Variants in DAB2IP observed in about 807,000 individuals in gnomAD.
DAB2IP encodes the protein DAB2 interacting protein.
DAB2IP carries 28 observed loss-of-function variants against 107.2 expected under a neutral mutation model. The observed-to-expected ratio is 0.26, with a 90% CI of 0.19 to 0.36. DAB2IP has a LOEUF of 0.36. Among genes scored for constraint, DAB2IP ranks in the 10% least tolerant of loss-of-function variants. The pLI, the probability that DAB2IP is intolerant of heterozygous loss-of-function variation, is 1.00. For missense variants in DAB2IP, 1,400 were observed against 1,644.7 expected (o/e 0.85, Z 2.57); for synonymous variants, 755 against 706.4 (o/e 1.07, Z -1.09).
At chr9:121,659,153 A>G (rs1833091577) in intron 1 of DAB2IP, among the ~76,000 whole-genome samples, 1 of 152,176 alleles carries the variant, frequency 6.6e-6, no homozygotes, top group South Asian at 2.1e-4. Flanking sequence ...AGAGGGGAGA[A>G]GAGGAGAGAG....
chr9:121,645,857 C>G (rs1280251760), intron 1 of DAB2IP, among the ~76,000 whole-genome samples: 2 of 152,142 alleles, frequency 1.3e-5, no homozygotes, highest in Admixed American at 1.3e-4. Flanking sequence ...TGGAGGGGAC[C>G]TGTAGGTGGC....
intron 3 of DAB2IP, among the ~76,000 whole-genome samples, chr9:121,737,922 G>A (rs1832044005): frequency 6.6e-6 from 1 of 152,168 alleles, no homozygotes; most frequent in Non-Finnish European, 1.5e-5. Context: ...AGGCTTGGGG[G>A]ACTGAATGGG....
At chr9:121,578,168 G>T (rs1830108130) in intron 1 of DAB2IP, among the ~76,000 whole-genome samples, 1 of 152,060 alleles carries the variant, frequency 6.6e-6, no homozygotes, top group African/African-American at 2.4e-5. Context: ...TTTCAGACTT[G>T]GTCCCTGACA....
At chr9:121,671,785 C>G (rs753220536) in intron 1 of DAB2IP, among the ~76,000 whole-genome samples, 1 of 152,142 alleles carries the variant, frequency 6.6e-6, no homozygotes, top group Non-Finnish European at 1.5e-5. Flanking sequence ...TAGTGTCCTC[C>G]CTTCCTTGCT....
In DAB2IP at chr9:121,760,006, C is replaced by T. The variant is rs753654367; in HGVS notation, c.737C>T (p.Thr246Met). 90 of 1,614,226 alleles carry T rather than the reference C, an allele frequency of 5.6e-5. No individual in the cohort carries two copies. The Middle Eastern group carries it at 8.2e-4, about 15-fold the overall frequency. The change falls in exon 6 of 16, where the codon ACG becomes ATG. Residue 246 changes from threonine to methionine, a missense_variant. Thr to Met is a moderately conservative substitution (Grantham distance 81, BLOSUM62 -1). Around this residue, in one of 3 missense-constraint regions of DAB2IP, gnomAD observed 517 missense variants for 748.6 expected, o/e 0.69. Transcript: ENST00000408936. This position sits in a 1 kb window ranked among gnomAD's most constrained non-coding sequence, Gnocchi z 5.9. ...GACGATGTGCTCTATGCCCGCACCA[C>T]GGGCAAGCTCAAGACGGACAATGTT...
At chr9:121,763,878 T>G (rs777156640) in exon 8 of DAB2IP, 41 of 1,613,860 alleles carry the variant, frequency 2.5e-5, no homozygotes, top group Non-Finnish European at 8.5e-7. Context: ...CAACTCCTAC[T>G]GGTCAGTGCG....
chr9:121,775,923 G>A (rs933170474), intron 13 of DAB2IP, among the ~76,000 whole-genome samples: 1 of 152,200 alleles, frequency 6.6e-6, no homozygotes, highest in African/African-American at 2.4e-5. Flanking sequence ...CCTCAGTCCT[G>A]GGACTTGGGT....
intron 1 of DAB2IP, among the ~76,000 whole-genome samples, chr9:121,659,036 G>A (rs1833086081): frequency 6.6e-6 from 1 of 152,198 alleles, no homozygotes. Context: ...CTTTGGAGGC[G>A]ATGTGCCGAC....
rs1835211684 is a variant in DAB2IP, at chr9:121,776,519, G to C, written c.3314+128G>C. 6.2e-6 allele frequency: 7 copies of C among 1,123,798 alleles called. No individual in the cohort carries two copies. Among genetic ancestry groups the C allele is most frequent in the Non-Finnish European group, 7.4e-6 (6 of 812,352 alleles). The allele number at this position is 1,123,798 out of a possible 1,614,324, so 69.6% of individuals were successfully genotyped here. On this transcript the variant is annotated intron_variant, in intron 14 of 15. Transcript: ENST00000408936. The surrounding 1 kb of genome is among the most constrained non-coding windows in gnomAD (Gnocchi z 5.4). Reference sequence around the variant, plus strand: ...GAATGTGGAGAGAGGAGGGAAGAGAGTGTCTGGGCAGTGGGAGCAGCGTGA... The same window carrying C: ...GAATGTGGAGAGAGGAGGGAAGAGACTGTCTGGGCAGTGGGAGCAGCGTGA...
intron 1 of DAB2IP, among the ~76,000 whole-genome samples, chr9:121,569,341 G>A (rs1224246031): frequency 1.3e-5 from 2 of 152,358 alleles, no homozygotes; most frequent in East Asian, 3.9e-4. Flanking sequence ...AGAGATGCAG[G>A]TGCACTGATG....
intron 1 of DAB2IP, among the ~76,000 whole-genome samples, chr9:121,623,007 C>T (rs1212261866): frequency 1.3e-5 from 2 of 152,198 alleles, no homozygotes; most frequent in African/African-American, 2.4e-5. Context: ...TGGGGGTGTG[C>T]ACGTGGGGCA....
At chr9:121,602,212 T>C (rs952038507) in intron 1 of DAB2IP, among the ~76,000 whole-genome samples, 8 of 152,200 alleles carry the variant, frequency 5.3e-5, no homozygotes, top group Admixed American at 2.6e-4. Context: ...TTCTCCCAAC[T>C]TAAGATGGGT....
intron 1 of DAB2IP, among the ~76,000 whole-genome samples, chr9:121,590,157 T>C (rs1830397131): frequency 1.3e-5 from 2 of 151,618 alleles, no homozygotes; most frequent in Admixed American, 1.3e-4. Flanking sequence ...TCTCATTCTC[T>C]CTGGGTATTG....
At chr9:121,759,749 T>C in intron 5 of DAB2IP, 136 bp from the exon 6 acceptor site, 1 of 723,458 alleles carries the variant, frequency 1.4e-6, no homozygotes, top group South Asian at 1.9e-5. Context: ...TCATCCTGAC[T>C]TAGGGCCTAG....
intron 3 of DAB2IP, among the ~76,000 whole-genome samples, chr9:121,731,218 G>C (rs765029081): frequency 5.3e-5 from 8 of 152,208 alleles, no homozygotes; most frequent in Non-Finnish European, 1.2e-4. Context: ...CGGGTGTCTT[G>C]TTCACCTGTT....
At chr9:121,704,837 A>G (rs1368982544) in intron 3 of DAB2IP, among the ~76,000 whole-genome samples, 1 of 152,178 alleles carries the variant, frequency 6.6e-6, no homozygotes, top group Non-Finnish European at 1.5e-5. Context: ...GGGCTGCTCT[A>G]TGGCCAGGAA....
upstream of DAB2IP, among the ~76,000 whole-genome samples, chr9:121,648,199 C>T (rs1832606353): frequency 6.6e-6 from 1 of 152,146 alleles, no homozygotes; most frequent in Non-Finnish European, 1.5e-5. Context: ...TCTCACAAAT[C>T]ACCACTGAAG....
At chr9:121,731,285 C>T (rs868182051) in intron 3 of DAB2IP, among the ~76,000 whole-genome samples, 1 of 152,132 alleles carries the variant, frequency 6.6e-6, no homozygotes, top group Non-Finnish European at 1.5e-5. Flanking sequence ...TTGTTTAACC[C>T]GGTGCACCTG....
intron 2 of DAB2IP, among the ~76,000 whole-genome samples, chr9:121,691,851 G>C (rs1217225653): frequency 6.6e-6 from 1 of 152,224 alleles, no homozygotes; most frequent in East Asian, 1.9e-4. Flanking sequence ...TGGAATTTCA[G>C]CTGTACTGAT....
Sources: gnomAD v4.1 joint callset for allele counts (sites outside exome capture counted in the v4.1 genomes callset) on GRCh38, gnomAD v4.1.1 for gene constraint, gnomAD v4.1.1 regional missense constraint, Gnocchi (gnomAD v3.1) non-coding constraint, MANE v1.5 for transcripts, NCBI Gene and HGNC (gene_info 2026-07-23, HGNC 2026-07-21) for gene names.